TLN2: variants seen among roughly 807,000 people sequenced by gnomAD.
TLN2 encodes the protein talin 2.
In TLN2, 118 loss-of-function variants were observed where a neutral mutation model predicts 294.7. That is an observed-to-expected ratio of 0.40 (90% confidence interval 0.34 to 0.47). The LOEUF (loss-of-function observed/expected upper bound fraction) is 0.47. Ranked by LOEUF, TLN2 falls within the 20% of genes least tolerant of loss-of-function variation. The probability of loss-of-function intolerance (pLI) is 0.84; values close to 1 mark genes in which losing one functional copy is unlikely to be tolerated. For missense variants in TLN2, 3,083 were observed against 3,282.2 expected (o/e 0.94, Z 1.48); for synonymous variants, 1,431 against 1,304.5 (o/e 1.10, Z -2.09).
intron 4 of TLN2, among the ~76,000 whole-genome samples, chr15:62,648,545 A>T (rs1467365901): frequency 1.2e-4 from 15 of 120,650 alleles, no homozygotes; most frequent in South Asian, 5.4e-4. Context: ...GATGATGACG[A>T]TTTTTTTTTT....
rs759679956 is a variant in TLN2, at chr15:62,564,925, A to AAAATAT, written c.-237-24761_-237-24760insAATATA. Among the ~76,000 whole-genome samples, 138 of 80,616 alleles carry AAAATAT rather than the reference A, an allele frequency of 1.7e-3. 1 individual carries two copies. Among genetic ancestry groups the AAAATAT allele is most frequent in the African/African-American group, 6.2e-3 (130 of 21,020 alleles). The allele number at this position is 80,616 out of a possible 152,430, so 52.9% of individuals were successfully genotyped here. A position where few individuals can be genotyped will look rare whatever the true frequency, so the allele number is the denominator to read the frequency against. On this transcript the variant is annotated intron_variant, in intron 1 of 58. Coordinates refer to ENST00000636159, the MANE Select transcript of TLN2 (RefSeq NM_015059.3). ...CATCTCAAAAAAAAAAAAAAAAAAA[A>AAAATAT]ATATATATATATATATACTGCATTC...
rs142850141 is a variant in TLN2 at position 62,688,391 on chromosome 15, T to C, written c.1113+1595T>C. ...CATACTCTGTATGATTTCAGTCCTT[T>C]TGAAATTTTAAGGTTTGTTTTTATA... is the stretch of plus-strand genomic sequence containing the variant. On this transcript the variant is annotated intron_variant, in intron 12 of 58. Transcript: ENST00000636159. Among the ~76,000 whole-genome samples the C allele has an allele frequency of 2.4e-4, 36 of 152,294 alleles. 1 individual carries two copies. In the East Asian group the frequency reaches 6.8e-3, roughly 29 times the overall value.
intron 1 of TLN2, among the ~76,000 whole-genome samples, chr15:62,458,315 T>A (rs1341350748): frequency 6.6e-6 from 1 of 152,170 alleles, no homozygotes; most frequent in Non-Finnish European, 1.5e-5. Context: ...CTCTCCCTGA[T>A]TCCTTGAGAT....
chr15:62,559,336 G>T (rs1490314172), intron 1 of TLN2, among the ~76,000 whole-genome samples: 1 of 152,172 alleles, frequency 6.6e-6, no homozygotes, highest in Non-Finnish European at 1.5e-5. Flanking sequence ...AGCGGATGTG[G>T]ACTGAGCCTA....
intron 11 of TLN2, among the ~76,000 whole-genome samples, chr15:62,676,426 C>T (rs1027385158): frequency 2.6e-5 from 4 of 152,096 alleles, no homozygotes; most frequent in Admixed American, 6.6e-5. Context: ...ATTGAGAGGT[C>T]GAATCTTTTA....
chr15:62,461,013 A>G (rs977747141), intron 1 of TLN2, among the ~76,000 whole-genome samples: 4 of 152,046 alleles, frequency 2.6e-5, no homozygotes, highest in African/African-American at 9.7e-5. Context: ...CAGTGGCGCA[A>G]TCTCAGCTCA....
chr15:62,586,961 A>G (rs963375672), intron 1 of TLN2, among the ~76,000 whole-genome samples: 1 of 152,188 alleles, frequency 6.6e-6, no homozygotes, highest in East Asian at 1.9e-4. Context: ...TTCAAATGGT[A>G]TGGGATGATT....
chr15:62,838,663 A>G (rs1443563859), intron 57 of TLN2, among the ~76,000 whole-genome samples, 193 bp from the exon 58 acceptor site: 1 of 152,214 alleles, frequency 6.6e-6, no homozygotes, highest in Non-Finnish European at 1.5e-5. Flanking sequence ...GTGAGTGACC[A>G]GGTAGGTTCC....
At chr15:62,665,646 G>A (rs1465029052) in intron 9 of TLN2, among the ~76,000 whole-genome samples, 5 of 152,174 alleles carry the variant, frequency 3.3e-5, no homozygotes, top group African/African-American at 7.2e-5. Flanking sequence ...GCAACCCAGG[G>A]TATGAATCTT....
At chr15:62,682,244 T>G (rs902103421) in intron 11 of TLN2, among the ~76,000 whole-genome samples, 1 of 152,260 alleles carries the variant, frequency 6.6e-6, no homozygotes, top group African/African-American at 2.4e-5. Flanking sequence ...GCTTTATTTT[T>G]GGGCTCTGAA....
intron 51 of TLN2, among the ~76,000 whole-genome samples, chr15:62,808,438 G>T (rs377294278): frequency 1.3e-5 from 2 of 152,118 alleles, no homozygotes; most frequent in Non-Finnish European, 2.9e-5. Flanking sequence ...GGGCATATCT[G>T]TTTTTTTCTG....
intron 9 of TLN2, among the ~76,000 whole-genome samples, chr15:62,668,989 G>C (rs933414848): frequency 6.6e-6 from 1 of 152,176 alleles, no homozygotes; most frequent in Admixed American, 6.5e-5. Flanking sequence ...CTACTGTTTT[G>C]ATGTAGGGCC....
At chr15:62,649,234 A>G (rs534309450) in intron 4 of TLN2, among the ~76,000 whole-genome samples, 118 of 151,580 alleles carry the variant, frequency 7.8e-4, no homozygotes, top group Middle Eastern at 3.4e-3. Flanking sequence ...TTGGTTGTCC[A>G]GTCATTTCTG....
rs774076261 is a variant in TLN2, at chr15:62,820,473, G to C, written c.6878-13G>C. ...CAGCTATGAAGAATCACCTTCTTTT[G>C]GACTGATTCTAGGAACAGAGTGGGT... On this transcript the variant is annotated splice_polypyrimidine_tract_variant and intron_variant, in intron 53 of 58. Coordinates refer to ENST00000636159, the MANE Select transcript of TLN2 (RefSeq NM_015059.3). 2 of 1,613,284 alleles carry C rather than the reference G, an allele frequency of 1.2e-6. No individual in the cohort carries two copies. The highest frequency in any genetic ancestry group is 8.5e-7 in the Non-Finnish European group (1 of 1,179,616).
In TLN2 at chr15:62,686,545, G is replaced by A. The variant is rs548053856; in HGVS notation, c.958-96G>A. On this transcript the variant is annotated intron_variant, in intron 11 of 58. Coordinates refer to ENST00000636159, the MANE Select transcript of TLN2 (RefSeq NM_015059.3). ...ATAGCCCTACCTGTTTTGAAAGACA[G>A]TGTATGCAGGTGAAAGGTCAAAAAA... 1.0e-5 allele frequency: 14 copies of A among 1,405,430 alleles called. No individual in the cohort carries two copies. In the South Asian group the frequency reaches 2.0e-4, roughly 20 times the overall value. The allele number at this position is 1,405,430 out of a possible 1,614,324, so 87.1% of individuals were successfully genotyped here.
intron 1 of TLN2, among the ~76,000 whole-genome samples, chr15:62,449,984 G>C (rs777487949): frequency 9.2e-5 from 14 of 152,110 alleles, no homozygotes; most frequent in Non-Finnish European, 1.5e-4. Context: ...TTGGGCTCCT[G>C]GTGGAATTCT....
chr15:62,463,748 G>T (rs764421043), intron 1 of TLN2, among the ~76,000 whole-genome samples: 1 of 152,122 alleles, frequency 6.6e-6, no homozygotes, highest in Non-Finnish European at 1.5e-5. Flanking sequence ...TTAGCCAGGC[G>T]TGGTGGTGGG....
At chr15:62,573,336 G>GC (rs1319875667) in intron 1 of TLN2, among the ~76,000 whole-genome samples, 7 of 151,936 alleles carry the variant, frequency 4.6e-5, no homozygotes, top group Non-Finnish European at 7.4e-5. Context: ...CAGGTGTTGT[G>GC]CCCCCCTCTG....
chr15:62,770,905 T>C, intron 41 of TLN2, 59 bp from the exon 42 acceptor site: 3 of 1,553,460 alleles, frequency 1.9e-6, no homozygotes. Flanking sequence ...GTGGAGCCCC[T>C]GAAGGAGACA....
Sources: allele counts gnomAD v4.1 joint callset (sites outside exome capture counted in the v4.1 genomes callset), GRCh38; gene constraint gnomAD v4.1.1; transcripts MANE v1.5; gene names NCBI Gene and HGNC (gene_info 2026-07-23, HGNC 2026-07-21).